WNK1: variants seen among roughly 807,000 people sequenced by gnomAD.
WNK1 encodes serine/threonine-protein kinase WNK1.
WNK1 carries 38 observed loss-of-function variants against 222.8 expected under a neutral mutation model. That is an observed-to-expected ratio of 0.17 (90% CI 0.13 to 0.22). The LOEUF (loss-of-function observed/expected upper bound fraction) is 0.22. WNK1 is among the 10% of genes least tolerant of loss of function. WNK1 has a pLI of 1.00. For synonymous variants in WNK1, 1,090 were observed against 1,092.9 expected (o/e 1.00, Z 0.05); for missense variants, 2,348 against 2,918.4 (o/e 0.80, Z 4.50).
intron 4 of WNK1, among the ~76,000 whole-genome samples, chr12:835,938 C>G (rs953890720): frequency 2.0e-5 from 3 of 149,316 alleles, no homozygotes; most frequent in Non-Finnish European, 4.4e-5. Context: ...TGGGTGACAG[C>G]AAGACTTGGT....
chr12:852,332 C>A (rs1390388596), intron 4 of WNK1, among the ~76,000 whole-genome samples: 1 of 151,626 alleles, frequency 6.6e-6, no homozygotes, highest in East Asian at 1.9e-4. Context: ...TTTTTTGTAC[C>A]CCATTTAAAA....
At chr12:808,500 G>GTT (rs148456638) in intron 1 of WNK1, among the ~76,000 whole-genome samples, 13 of 148,054 alleles carry the variant, frequency 8.8e-5, no homozygotes, top group Non-Finnish European at 1.6e-4. Flanking sequence ...AACTAAATGT[G>GTT]TTTTTTTTTT....
chr12:882,387 C>G lies in WNK1; in HGVS notation c.3372+314C>G, dbSNP rs11064582. 0.23 allele frequency among the ~76,000 whole-genome samples: 34,923 copies of G among 151,828 alleles called. 4,062 individuals are homozygous for G. The highest frequency in any genetic ancestry group is 0.28 in the Middle Eastern group (81 of 292). On this transcript the variant is annotated intron_variant, in intron 14 of 27. Coordinates refer to ENST00000315939, the MANE Select transcript of WNK1 (RefSeq NM_018979.4). ...CTAGTTTTTGTATTTTTAGTAGAGA[C>G]AGGGTTTCACCATATTGGTCAGGCT...
rs1953756584 is a variant in WNK1, at chr12:887,271, G to C, written c.5331G>C (p.Gln1777His). Residue 1777 changes from glutamine (Q) to histidine (H), a missense_variant, in exon 20 of 28, where the codon CAG becomes CAC. Physicochemically the swap from Gln to His is conservative, Grantham distance 24. Around this residue, in one of 13 missense-constraint regions of WNK1, gnomAD observed 1,144 missense variants for 1,273.6 expected, o/e 0.90. Transcript: ENST00000315939. ...CAGCAGGTACTCTACCCAGCGAGCA[G>C]CTGCCACCTTTTCCAGGACCTTCTC... is the stretch of plus-strand genomic sequence containing the variant. Reference protein sequence around the residue: ...ELPAGTLPSEQLPPFPGPSLT... With the variant: ...ELPAGTLPSEHLPPFPGPSLT... 6.2e-7 allele frequency: 1 copy of C among 1,614,062 alleles called. No individual in the cohort carries two copies. Among genetic ancestry groups the C allele is most frequent in the Non-Finnish European group, 8.5e-7 (1 of 1,180,020 alleles).
intron 2 of WNK1, among the ~76,000 whole-genome samples, chr12:822,853 G>T (rs947717411): frequency 6.6e-6 from 1 of 152,186 alleles, no homozygotes; most frequent in African/African-American, 2.4e-5. Flanking sequence ...CTTTACCAGA[G>T]ATTTGATTTG....
chr12:868,831 A>T, intron 8 of WNK1: 1 of 1,614,066 alleles, frequency 6.2e-7, no homozygotes, highest in Non-Finnish European at 8.5e-7. Flanking sequence ...TTTCTGTGGT[A>T]GAGCCTATCG....
chr12:853,672 A>C (rs2154057451), intron 4 of WNK1, among the ~76,000 whole-genome samples: 1 of 152,298 alleles, frequency 6.6e-6, no homozygotes, highest in South Asian at 2.1e-4. Flanking sequence ...ATCAGTATAC[A>C]TTTGCTTTGT....
intron 1 of WNK1, among the ~76,000 whole-genome samples, chr12:756,260 C>A (rs77546640): frequency 6.6e-6 from 1 of 152,090 alleles, no homozygotes; most frequent in South Asian, 2.1e-4. Flanking sequence ...TCTGAGACTT[C>A]TTAGCATGTG....
intron 26 of WNK1, among the ~76,000 whole-genome samples, chr12:907,039 G>A (rs867924613): frequency 0.012 from 70 of 6,054 alleles, no homozygotes; most frequent in Admixed American, 0.023. Flanking sequence ...AAAAAAAAAA[G>A]CCGGGCGTGG....
intron 4 of WNK1, among the ~76,000 whole-genome samples, chr12:855,367 C>T (rs7301349): frequency 6.6e-6 from 1 of 151,796 alleles, no homozygotes; most frequent in Non-Finnish European, 1.5e-5. Flanking sequence ...GTTAGCCCTG[C>T]GAGTAGAATT....
In WNK1 at chr12:900,472, G is replaced by T; in HGVS notation, c.6449-4G>T. On this transcript the variant is annotated splice_polypyrimidine_tract_variant and splice_region_variant and intron_variant, in intron 25 of 27. Transcript: ENST00000315939. Reference sequence around the variant, plus strand: ...TTTCCTCATGCCACTTTATCTTTTGGCAGGTAACCTGTCTGGTCAGAGTGC... The same window carrying T: ...TTTCCTCATGCCACTTTATCTTTTGTCAGGTAACCTGTCTGGTCAGAGTGC... 5 of 1,614,126 alleles carry T rather than the reference G, an allele frequency of 3.1e-6. No homozygotes were observed. Among genetic ancestry groups the T allele is most frequent in the Non-Finnish European group, 4.2e-6 (5 of 1,180,008 alleles).
intron 8 of WNK1, chr12:868,819 C>T (rs769472075): frequency 3.1e-6 from 5 of 1,614,002 alleles, no homozygotes; most frequent in East Asian, 2.2e-5. Flanking sequence ...CAGAATTGAC[C>T]GTTTCTGTGG....
intron 7 of WNK1, 24 bp downstream of exon 7, chr12:861,367 GA>G (rs747728897): frequency 6.2e-6 from 10 of 1,610,908 alleles, no homozygotes; most frequent in African/African-American, 1.3e-5. Flanking sequence ...GAAGTGGACA[GA>G]TAGGCTAATG....
intron 1 of WNK1, among the ~76,000 whole-genome samples, chr12:767,440 A>T (rs570162848): frequency 3.3e-5 from 5 of 151,266 alleles, no homozygotes; most frequent in Admixed American, 1.3e-4. Context: ...TTTAGTAGAG[A>T]CGGGGTTTCA....
Position 908,861 on chromosome 12 carries a change from G to GGGGGGGGGGGGGGGCCC in WNK1, c.*69_*70insGGGGGGGGGGGGGGCCC. 7 of 491,844 alleles carry GGGGGGGGGGGGGGGCCC rather than the reference G, an allele frequency of 1.4e-5. No individual in the cohort carries two copies. In the East Asian group the frequency reaches 1.8e-4, roughly 13 times the overall value. 30.5% of individuals were successfully genotyped at this position (491,844 alleles called of 1,614,324 possible). A position where few individuals can be genotyped will look rare whatever the true frequency, so the allele number is the denominator to read the frequency against. The stretch of plus-strand genomic sequence containing the variant: ...ATGCTGAGGGGGTGGGTGGGGGTGG[G>GGGGGGGGGGGGGGGCCC]AAGTAGCCTATATACTAACTACTAG... On this transcript the variant is annotated 3_prime_UTR_variant, in exon 28 of 28. Transcript: ENST00000315939.
intron 8 of WNK1, chr12:865,358 C>T: frequency 6.5e-7 from 1 of 1,536,046 alleles, no homozygotes; most frequent in Non-Finnish European, 8.7e-7. Context: ...CCCTCTTTGT[C>T]AGTACTGTAT....
intron 8 of WNK1, among the ~76,000 whole-genome samples, chr12:864,110 G>GTTTTTTTTTTTTTTTTTTTTTT (rs372936466): frequency 3.8e-4 from 47 of 124,582 alleles, no homozygotes; most frequent in African/African-American, 1.3e-3. Context: ...ATTTTTTTAA[G>GTTTTTTTTTTTTTTTTTTTTTT]TTTTTTTTTT....
intron 26 of WNK1, chr12:906,781 T>C (rs1159387614): frequency 2.0e-6 from 2 of 982,380 alleles, no homozygotes; most frequent in African/African-American, 3.5e-5. Flanking sequence ...GGCTCACACC[T>C]GTAATCCCAG....
chr12:807,284 C>A (rs566285800), intron 1 of WNK1, among the ~76,000 whole-genome samples: 1 of 139,444 alleles, frequency 7.2e-6, no homozygotes, highest in Non-Finnish European at 1.5e-5. Flanking sequence ...AGAGTGAGAC[C>A]CTGTCTCTGT....
Sources: gnomAD v4.1 joint callset for allele counts (sites outside exome capture counted in the v4.1 genomes callset) on GRCh38, gnomAD v4.1.1 for gene constraint, gnomAD v4.1.1 regional missense constraint, MANE v1.5 for transcripts, NCBI Gene and HGNC (gene_info 2026-07-23, HGNC 2026-07-21) for gene names.